The following GAB2 variants were observed in gnomAD, a reference collection of about 807,000 sequenced individuals.
GAB2 encodes GRB2-associated-binding protein 2.
GAB2 carries 26 observed loss-of-function variants against 65.5 expected under a neutral mutation model. The ratio of observed to expected loss-of-function variants is 0.40; its 90% CI spans 0.29 to 0.55. GAB2 has a LOEUF of 0.55. GAB2 is among the 20% of genes least tolerant of loss of function. GAB2 has a pLI of 0.53. For missense variants in GAB2, 884 were observed against 875.8 expected (o/e 1.01, Z -0.12); for synonymous variants, 321 against 329.6 (o/e 0.97, Z 0.28).
At chr11:78,223,205 G>A (rs1481722232) in intron 6 of GAB2, among the ~76,000 whole-genome samples, 1 of 152,170 alleles carries the variant, frequency 6.6e-6, no homozygotes, top group East Asian at 1.9e-4. Flanking sequence ...ATGTACCAAA[G>A]TACTATCCTA....
At chr11:78,260,065 T>G (rs1865690218) in intron 2 of GAB2, among the ~76,000 whole-genome samples, 1 of 152,188 alleles carries the variant, frequency 6.6e-6, no homozygotes, top group Non-Finnish European at 1.5e-5. Context: ...CTAGTATAAA[T>G]AGATTCTCGA....
chr11:78,320,474 T>C (rs1340752621), intron 1 of GAB2, among the ~76,000 whole-genome samples: 1 of 152,182 alleles, frequency 6.6e-6, no homozygotes, highest in Non-Finnish European at 1.5e-5. Context: ...GACATCATCC[T>C]AAGGACAACA....
intron 1 of GAB2, among the ~76,000 whole-genome samples, chr11:78,287,963 A>T (rs1172391050): frequency 6.6e-6 from 1 of 152,000 alleles, no homozygotes; most frequent in African/African-American, 2.4e-5. Context: ...TATCACTCTT[A>T]TTCAACATAT....
chr11:78,261,151 C>T (rs1162083786), intron 2 of GAB2, among the ~76,000 whole-genome samples: 1 of 152,050 alleles, frequency 6.6e-6, no homozygotes, highest in Non-Finnish European at 1.5e-5. Flanking sequence ...GGCATTGTGG[C>T]AGATGCCTGC....
intron 1 of GAB2, among the ~76,000 whole-genome samples, chr11:78,325,036 C>T (rs557235587): frequency 2.0e-5 from 3 of 152,288 alleles, no homozygotes; most frequent in Admixed American, 2.0e-4. Context: ...GCAAACGATG[C>T]AAACCAGGGC....
intron 1 of GAB2, among the ~76,000 whole-genome samples, chr11:78,342,093 A>G (rs2292573): frequency 0.25 from 37,493 of 152,154 alleles, 5,138 homozygotes; most frequent in East Asian, 0.41. Flanking sequence ...AATAAATATA[A>G]GGATCACCAC....
Position 78,388,717 on chromosome 11 carries a change from C to T in GAB2, c.75+28929G>A, listed in dbSNP as rs115023075. On this transcript the variant is annotated intron_variant, in intron 1 of 9. Coordinates refer to ENST00000361507, the MANE Select transcript of GAB2 (RefSeq NM_080491.3). The stretch of plus-strand genomic sequence containing the variant: ...AAATGTTCTCTACCAACCTTTTGCC[C>T]TCAGAGCTATGGATATCCTTAGAGA... 3.6e-3 allele frequency among the ~76,000 whole-genome samples: 541 copies of T among 152,254 alleles called. 5 individuals carry two copies. Among genetic ancestry groups the T allele is most frequent in the African/African-American group, 0.012 (487 of 41,536 alleles).
At chr11:78,278,558 A>G (rs1330432959) in intron 2 of GAB2, among the ~76,000 whole-genome samples, 1 of 142,998 alleles carries the variant, frequency 7.0e-6, no homozygotes, top group Non-Finnish European at 1.5e-5. Flanking sequence ...TTGTATTTTT[A>G]GTAGAGACGG....
chr11:78,386,148 T>C (rs1856763130), intron 1 of GAB2, among the ~76,000 whole-genome samples: 1 of 152,180 alleles, frequency 6.6e-6, no homozygotes, highest in Admixed American at 6.5e-5. Context: ...AATTACTAAG[T>C]TAGGGACAGT....
chr11:78,282,441 T>A (rs1035445944), intron 1 of GAB2, among the ~76,000 whole-genome samples: 1 of 152,036 alleles, frequency 6.6e-6, no homozygotes, highest in Non-Finnish European at 1.5e-5. Context: ...ACGGAGTAGC[T>A]GGGATTACAG....
chr11:78,349,931 GA>G (rs1856249573), intron 1 of GAB2, among the ~76,000 whole-genome samples: 1 of 147,036 alleles, frequency 6.8e-6, no homozygotes, highest in African/African-American at 2.5e-5. Flanking sequence ...GTAAAAAAAA[GA>G]AAAAAAGAAA....
intron 5 of GAB2, 121 bp from the exon 6 acceptor site, chr11:78,223,797 T>C: frequency 1.2e-6 from 1 of 832,058 alleles, no homozygotes; most frequent in Non-Finnish European, 1.9e-6. Context: ...TTTGAAGCTG[T>C]AAGGGAGACC....
chr11:78,354,164 T>C (rs1176653593), intron 1 of GAB2, among the ~76,000 whole-genome samples: 2 of 152,166 alleles, frequency 1.3e-5, no homozygotes, highest in Non-Finnish European at 2.9e-5. Context: ...TACCCTCTAA[T>C]AAAGGAACAC....
At chr11:78,322,029 G>A (rs1423794721) in intron 1 of GAB2, among the ~76,000 whole-genome samples, 1 of 151,902 alleles carries the variant, frequency 6.6e-6, no homozygotes, top group East Asian at 1.9e-4. Flanking sequence ...TCTCAGCTGG[G>A]CACAGTGGCC....
At chr11:78,222,267 C>T (rs1864465445) in intron 6 of GAB2, 72 bp from the exon 7 acceptor site, 1 of 943,714 alleles carries the variant, frequency 1.1e-6, no homozygotes. Context: ...TTATATATAA[C>T]ACATGAGCAT....
intron 1 of GAB2, among the ~76,000 whole-genome samples, chr11:78,394,980 G>C (rs1179497943): frequency 6.6e-6 from 1 of 152,154 alleles, no homozygotes; most frequent in East Asian, 1.9e-4. Flanking sequence ...GAGGACTCAA[G>C]AGCAGCCAGT....
chr11:78,215,965 C>G lies in GAB2; in HGVS notation c.*3307G>C, dbSNP rs1864118758. On this transcript the variant is annotated 3_prime_UTR_variant, in exon 10 of 10. Transcript: ENST00000361507. ...AACTTCAGAATGGTTGTGCTTTTGT[C>G]ACAGGAATGGGGCATACTTTGTTAA... 6.5e-6 allele frequency: 1 copy of G among 152,682 alleles called. No individual in the cohort carries two copies. The highest frequency in any genetic ancestry group is 2.4e-5 in the African/African-American group (1 of 41,448). The allele number at this position is 152,682 out of a possible 1,614,324, so 9.5% of individuals were successfully genotyped here.
At chr11:78,328,858 C>T (rs1219976795) in intron 1 of GAB2, among the ~76,000 whole-genome samples, 1 of 152,174 alleles carries the variant, frequency 6.6e-6, no homozygotes, top group South Asian at 2.1e-4. Context: ...CTGATAGGAG[C>T]TTTAGTTACA....
intron 3 of GAB2, chr11:78,232,058 A>C (rs1399817111): frequency 8.5e-5 from 13 of 152,228 alleles, no homozygotes; most frequent in Non-Finnish European, 1.5e-5. Context: ...TTCTGAGCCA[A>C]TTTTGGCAGG....
Sources: allele counts gnomAD v4.1 joint callset (sites outside exome capture counted in the v4.1 genomes callset), GRCh38; gene constraint gnomAD v4.1.1; transcripts MANE v1.5; gene names NCBI Gene and HGNC (gene_info 2026-07-23, HGNC 2026-07-21).